GLDC: variants seen among roughly 807,000 people sequenced by gnomAD.
GLDC encodes the protein glycine dehydrogenase (decarboxylating), mitochondrial.
A neutral mutation model predicts 121.3 loss-of-function variants in GLDC; 104 were observed. The observed-to-expected ratio is 0.86, with a 90% CI of 0.73 to 1.01. The LOEUF (loss-of-function observed/expected upper bound fraction) is 1.01. GLDC is among the 50% of genes least tolerant of loss of function. The pLI, the probability that GLDC is intolerant of heterozygous loss-of-function variation, is 0.00. For synonymous variants in GLDC, 546 were observed against 480.6 expected (o/e 1.14, Z -1.78); for missense variants, 1,429 against 1,306.6 (o/e 1.09, Z -1.44).
At position 6,610,219 on chromosome 9, in the gene GLDC, G is replaced by A; in HGVS notation, c.608C>T (p.Ala203Val). 1.2e-6 allele frequency: 2 copies of A among 1,613,148 alleles called. No homozygotes were observed. Among genetic ancestry groups the A allele is most frequent in the Non-Finnish European group, 1.7e-6 (2 of 1,179,608 alleles). Residue 203 changes from alanine (A) to valine (V), a missense_variant, in exon 4 of 25, where the codon GCC becomes GTC. Ala to Val is a moderately conservative substitution (Grantham distance 64). Transcript: ENST00000321612. The part of the protein sequence containing the change: ...NASLLDEGTA[A>V]AEALQLCYRH... ...GTAGCACAGCTGCAGTGCCTCTGCG[G>A]CTGCAGTCCCCTCATCCAGCAGGGA...
chr9:6,533,412 G>A (rs1817043221), intron 24 of GLDC, among the ~76,000 whole-genome samples: 1 of 152,162 alleles, frequency 6.6e-6, no homozygotes, highest in Non-Finnish European at 1.5e-5. Context: ...GCAAAGTTGT[G>A]TTTGAAAGAC....
intron 3 of GLDC, among the ~76,000 whole-genome samples, chr9:6,611,336 T>G (rs1158711419): frequency 6.6e-6 from 1 of 152,166 alleles, no homozygotes; most frequent in Non-Finnish European, 1.5e-5. Flanking sequence ...GGCGGGCGGA[T>G]CACGAGGTCA....
intron 15 of GLDC, among the ~76,000 whole-genome samples, chr9:6,566,190 C>T (rs1042186038): frequency 6.6e-6 from 1 of 152,212 alleles, no homozygotes; most frequent in Non-Finnish European, 1.5e-5. Flanking sequence ...CTGCAGTAAG[C>T]CGAGATGGTG....
chr9:6,534,682 G>C, intron 24 of GLDC, 26 bp downstream of exon 24: 1 of 1,295,074 alleles, frequency 7.7e-7, no homozygotes, highest in Non-Finnish European at 1.1e-6. Context: ...CTTCCCAGCT[G>C]GCACATTCAG....
chr9:6,577,265 AT>A (rs930715069), intron 15 of GLDC, among the ~76,000 whole-genome samples: 1 of 152,194 alleles, frequency 6.6e-6, no homozygotes, highest in African/African-American at 2.4e-5. Flanking sequence ...AGTCCACTTG[AT>A]GTTAAATATT....
intron 3 of GLDC, among the ~76,000 whole-genome samples, chr9:6,618,295 C>T (rs765102734): frequency 3.3e-5 from 5 of 152,156 alleles, no homozygotes; most frequent in Non-Finnish European, 7.4e-5. Context: ...CTTTCCTCCT[C>T]CACAGTTAGA....
At chr9:6,559,486 G>GC (rs2129737966) in intron 16 of GLDC, among the ~76,000 whole-genome samples, 1 of 134,238 alleles carries the variant, frequency 7.4e-6, no homozygotes, top group East Asian at 2.2e-4. Flanking sequence ...TTGCACTCCA[G>GC]CCTGGGCGAC....
At chr9:6,585,591 G>C (rs997003962) in intron 15 of GLDC, among the ~76,000 whole-genome samples, 1 of 152,118 alleles carries the variant, frequency 6.6e-6, no homozygotes, top group Non-Finnish European at 1.5e-5. Flanking sequence ...TTTTTACAAA[G>C]TAAATGGCTT....
intron 2 of GLDC, chr9:6,639,395 C>CT (rs59912052): frequency 0.55 from 504,355 of 913,780 alleles, 145,490 homozygotes; most frequent in African/African-American, 0.82. Context: ...ACCACTGAGT[C>CT]GCCATGAAGA....
At chr9:6,631,148 TGCTCTAA>T (rs1466644775) in intron 2 of GLDC, among the ~76,000 whole-genome samples, 2 of 152,346 alleles carry the variant, frequency 1.3e-5, no homozygotes, top group African/African-American at 4.8e-5. Flanking sequence ...TGAGTCTCCT[TGCTCTAA>T]GCCTGCCAGG....
Position 6,605,164 on chromosome 9 carries a change from A to G in GLDC, c.828T>C (p.Phe276=). The G allele has an allele frequency of 1.2e-6, 2 of 1,613,312 alleles. No homozygotes were observed. Among genetic ancestry groups the G allele is most frequent in the Non-Finnish European group, 1.7e-6 (2 of 1,179,946 alleles). Reference sequence around the variant, plus strand: ...GATGAGCTCTCTCCACGAGTTCCGTAAAGTCTTCCACCTTCCCCTCCGTGT... The same window carrying G: ...GATGAGCTCTCTCCACGAGTTCCGTGAAGTCTTCCACCTTCCCCTCCGTGT... ...YPDTEGKVED[F]TELVERAHQS... The change falls in exon 6 of 25, where the codon TTT becomes TTC. Residue 276 remains phenylalanine, a synonymous_variant. Coordinates refer to ENST00000321612, the MANE Select transcript of GLDC (RefSeq NM_000170.3).
intron 21 of GLDC, among the ~76,000 whole-genome samples, chr9:6,547,124 G>C (rs1179457936): frequency 6.6e-6 from 1 of 152,062 alleles, no homozygotes; most frequent in African/African-American, 2.4e-5. Flanking sequence ...TGGATTACAG[G>C]TGTGAACCAA....
At chr9:6,637,292 C>G (rs1317428455) in intron 2 of GLDC, among the ~76,000 whole-genome samples, 1 of 151,528 alleles carries the variant, frequency 6.6e-6, no homozygotes, top group Non-Finnish European at 1.5e-5. Context: ...TTAATACCAG[C>G]TACCTGGGAG....
At chr9:6,585,157 G>C (rs912690072) in intron 15 of GLDC, 4 of 152,152 alleles carry the variant, frequency 2.6e-5, no homozygotes, top group Admixed American at 6.6e-5. Context: ...CCTAGCCAAG[G>C]CTGTAAACCA....
At chr9:6,639,326 G>T in intron 2 of GLDC, 1 of 935,718 alleles carries the variant, frequency 1.1e-6, no homozygotes, top group Non-Finnish European at 1.7e-6. Context: ...AAATATCCTC[G>T]GAAGAGCGCC....
intron 5 of GLDC, chr9:6,605,769 G>A (rs963342625): frequency 1.8e-5 from 4 of 227,550 alleles, no homozygotes; most frequent in Admixed American, 1.0e-4. Context: ...TTTTACAAAG[G>A]GAAAGCAAAT....
chr9:6,587,058 T>C, intron 15 of GLDC, 83 bp downstream of exon 15: 1 of 1,119,090 alleles, frequency 8.9e-7, no homozygotes, highest in Non-Finnish European at 1.4e-6. Flanking sequence ...CACAAAAAAG[T>C]TGTTGTTCTA....
intron 4 of GLDC, among the ~76,000 whole-genome samples, chr9:6,609,846 G>C (rs1426136396): frequency 6.6e-6 from 1 of 152,050 alleles, no homozygotes; most frequent in Non-Finnish European, 1.5e-5. Context: ...GCTTCCCCAA[G>C]CCAGCACTTC....
chr9:6,594,803 A>AAAAGAAAG lies in GLDC; in HGVS notation c.1261+203_1261+210dup, dbSNP rs78626191. 0.19 allele frequency among the ~76,000 whole-genome samples: 28,431 copies of AAAAGAAAG among 149,850 alleles called. 3,276 individuals are homozygous for AAAAGAAAG. Among genetic ancestry groups the AAAAGAAAG allele is most frequent in the Non-Finnish European group, 0.26 (17,264 of 67,526 alleles). On this transcript the variant is annotated intron_variant, in intron 9 of 24. Coordinates refer to ENST00000321612, the MANE Select transcript of GLDC (RefSeq NM_000170.3). ...AGAAAGAAAGCAAGAAAAAGGAAAT[A>AAAAGAAAG]AAAGAAAGAAAGAAAGAAAGAAAGA...
Sources: allele counts gnomAD v4.1 joint callset (sites outside exome capture counted in the v4.1 genomes callset), GRCh38; gene constraint gnomAD v4.1.1; transcripts MANE v1.5; gene names NCBI Gene and HGNC (gene_info 2026-07-23, HGNC 2026-07-21).